SEM1: variants seen among roughly 807,000 people sequenced by gnomAD.
SEM1 encodes SEM1 26S proteasome subunit.
SEM1 carries 3 observed loss-of-function variants against 12.7 expected under a neutral mutation model. The observed-to-expected ratio is 0.24, with a 90% CI of 0.11 to 0.61. The LOEUF (loss-of-function observed/expected upper bound fraction) is 0.61, where lower values mean the gene tolerates loss of function less well. Ranked by LOEUF, SEM1 falls within the 20% of genes least tolerant of loss-of-function variation. SEM1 has a pLI of 0.88. For synonymous variants in SEM1, 30 were observed against 27.8 expected (o/e 1.08, Z -0.25); for missense variants, 59 against 81.3 (o/e 0.73, Z 1.06).
At chr7:96,627,340 T>C (rs571123109) in intron 2 of SEM1, among the ~76,000 whole-genome samples, 5 of 151,940 alleles carry the variant, frequency 3.3e-5, no homozygotes, top group Non-Finnish European at 7.4e-5. Flanking sequence ...AATTCTTTAA[T>C]TTAATTTAAT....
At chr7:96,484,014 TG>T in intron 3 of SEM1, 2 of 1,478,648 alleles carry the variant, frequency 1.4e-6, no homozygotes, top group African/African-American at 2.8e-5. Flanking sequence ...ATAAATGCTG[TG>T]GGCCAGGAAT....
intron 2 of SEM1, among the ~76,000 whole-genome samples, chr7:96,546,567 T>G (rs1584752860): frequency 6.6e-6 from 1 of 152,170 alleles, no homozygotes; most frequent in East Asian, 1.9e-4. Flanking sequence ...TAGGTTTGAC[T>G]AATTAATTGA....
At chr7:96,692,149 T>G (rs929194560) in intron 2 of SEM1, among the ~76,000 whole-genome samples, 1 of 152,168 alleles carries the variant, frequency 6.6e-6, no homozygotes, top group African/African-American at 2.4e-5. Context: ...AATGTTCTAT[T>G]TCTAAAGCAA....
intron 2 of SEM1, among the ~76,000 whole-genome samples, chr7:96,593,682 C>A (rs1806907085): frequency 6.6e-6 from 1 of 152,010 alleles, no homozygotes; most frequent in Admixed American, 6.6e-5. Flanking sequence ...TTGGCAAAGA[C>A]TAAAGAAATC....
intron 2 of SEM1, chr7:96,622,761 A>G (rs989651325): frequency 1.5e-6 from 1 of 660,714 alleles, no homozygotes. Flanking sequence ...ACTTAATACC[A>G]CTGTGCTAGT....
chr7:96,595,866 G>A (rs17495203), intron 2 of SEM1, among the ~76,000 whole-genome samples: 2,328 of 152,154 alleles, frequency 0.015, 38 homozygotes, highest in Admixed American at 0.048. Context: ...CATAAAACTC[G>A]GTTGCATCCA....
chr7:96,482,612 C>A (rs1406812939), exon 4 of SEM1: 2 of 152,080 alleles, frequency 1.3e-5, no homozygotes, highest in Admixed American at 6.6e-5. Flanking sequence ...TACAGGAATT[C>A]CTGTCAGATG....
At position 96,632,356 on chromosome 7, in the gene SEM1, AT is replaced by A. The variant is rs377378101; in HGVS notation, c.171-9714del. Among the ~76,000 whole-genome samples the A allele has an allele frequency of 4.8e-4, 73 of 152,340 alleles. 1 individual carries two copies. The highest frequency in any genetic ancestry group is 1.7e-3 in the African/African-American group (69 of 41,582). On this transcript the variant is annotated intron_variant, in intron 2 of 2. Transcript: ENST00000417009. ...AAAGAAAATGTGGCACATATACACC[AT>A]GGAATACTATGTAGCCATAAAAAGA...
intron 1 of SEM1, among the ~76,000 whole-genome samples, chr7:96,492,468 G>A (rs1803045849): frequency 6.6e-6 from 1 of 152,004 alleles, no homozygotes; most frequent in Admixed American, 6.6e-5. Flanking sequence ...GGAGTGCAGT[G>A]GCGTGTTCAC....
intron 1 of SEM1, among the ~76,000 whole-genome samples, chr7:96,493,153 C>T (rs1803093380): frequency 6.6e-6 from 1 of 152,030 alleles, no homozygotes; most frequent in African/African-American, 2.4e-5. Flanking sequence ...TTAGTAGAGA[C>T]AGGGTTTCAC....
chr7:96,546,334 T>C (rs73708342), intron 2 of SEM1, among the ~76,000 whole-genome samples: 6,726 of 152,170 alleles, frequency 0.044, 526 homozygotes, highest in African/African-American at 0.15. Flanking sequence ...TTCCTCATCT[T>C]GAACTGAATA....
At chr7:96,546,403 C>T (rs1584752773) in intron 2 of SEM1, among the ~76,000 whole-genome samples, 1 of 152,220 alleles carries the variant, frequency 6.6e-6, no homozygotes, top group South Asian at 2.1e-4. Context: ...ACACAAGCAT[C>T]TCTAGAACTT....
chr7:96,520,259 C>G lies in SEM1; in HGVS notation c.171-13561G>C, dbSNP rs188110601. On this transcript the variant is annotated intron_variant and NMD_transcript_variant, in intron 2 of 3. Transcript: ENST00000466986. The stretch of plus-strand genomic sequence containing the variant: ...GTGTAGAATGACAAAATTCCTAGAC[C>G]ACGCTTGCTCTGCCACATATTTCTG... Among the ~76,000 whole-genome samples the G allele has an allele frequency of 6.5e-3, 988 of 152,220 alleles. 6 individuals carry two copies. The highest frequency in any genetic ancestry group is 9.3e-3 in the Non-Finnish European group (634 of 68,014).
chr7:96,636,951 A>G (rs1808447159), intron 2 of SEM1, among the ~76,000 whole-genome samples: 1 of 152,020 alleles, frequency 6.6e-6, no homozygotes, highest in African/African-American at 2.4e-5. Context: ...AGATGGAGAT[A>G]CCTCCTTAAA....
At chr7:96,557,982 G>C (rs919213808) in intron 2 of SEM1, 2 of 153,290 alleles carry the variant, frequency 1.3e-5, no homozygotes, top group African/African-American at 4.8e-5. Flanking sequence ...CCCTTTCTTT[G>C]ACTCAGGGAA....
chr7:96,579,387 T>C (rs1455575775), intron 2 of SEM1, among the ~76,000 whole-genome samples: 1 of 152,260 alleles, frequency 6.6e-6, no homozygotes, highest in Non-Finnish European at 1.5e-5. Flanking sequence ...ATTTGGTTCT[T>C]TCTTCAGCAC....
intron 2 of SEM1, among the ~76,000 whole-genome samples, chr7:96,531,764 GGT>G (rs1804650877): frequency 6.6e-6 from 1 of 151,980 alleles, no homozygotes; most frequent in African/African-American, 2.4e-5. Flanking sequence ...TATTATTACT[GGT>G]AGTTAATATG....
chr7:96,598,409 T>TCC lies in SEM1; in HGVS notation c.171-91713_171-91712dup, dbSNP rs35910742. 8.6e-3 allele frequency among the ~76,000 whole-genome samples: 1,271 copies of TCC among 148,156 alleles called. 7 individuals are homozygous for TCC. The highest frequency in any genetic ancestry group is 0.021 in the South Asian group (98 of 4,694). ...TCAGACTTGGATTTTTTTTTTTTTT[T>TCC]CCCCCAAATAGAGGAACAGCTGCCC... On this transcript the variant is annotated intron_variant and NMD_transcript_variant, in intron 2 of 3. Transcript: ENST00000466986.
At chr7:96,665,849 G>A (rs2116550718) in intron 2 of SEM1, among the ~76,000 whole-genome samples, 1 of 152,176 alleles carries the variant, frequency 6.6e-6, no homozygotes, top group East Asian at 1.9e-4. Context: ...GGATAAACAT[G>A]TCAACACAGG....
Sources: allele counts gnomAD v4.1 joint callset (sites outside exome capture counted in the v4.1 genomes callset), GRCh38; gene constraint gnomAD v4.1.1; transcripts MANE v1.5; gene names NCBI Gene and HGNC (gene_info 2026-07-23, HGNC 2026-07-21).